Variants in RTL1 observed in about 807,000 individuals in gnomAD.
The protein encoded by RTL1 is retrotransposon Gag like 1, also known as retrotransposon-like protein 1.
For synonymous variants in RTL1, 727 were observed against 748.4 expected, an observed-to-expected ratio of 0.97 and a Z score of 0.47; for missense variants, 1,681 against 1,767.5, an observed-to-expected ratio of 0.95 and a Z score of 0.88.
At chr14:100,888,257 T>C (rs2038720722) in intron 3 of RTL1, among the ~76,000 whole-genome samples, 1 of 152,200 alleles carries the variant, frequency 6.6e-6, no homozygotes, top group African/African-American at 2.4e-5. Context: ...ATCTTTATCA[T>C]AGAGATCCTG....
At chr14:100,890,040 A>G (rs1452099152) in intron 3 of RTL1, among the ~76,000 whole-genome samples, 2 of 150,314 alleles carry the variant, frequency 1.3e-5, no homozygotes, top group African/African-American at 4.9e-5. Context: ...TTCTTTAAGA[A>G]ATATCTACTG....
intron 2 of RTL1, among the ~76,000 whole-genome samples, chr14:100,895,902 G>A (rs998119000): frequency 2.0e-5 from 3 of 152,038 alleles, no homozygotes; most frequent in East Asian, 3.9e-4. Flanking sequence ...GTGAAACCCC[G>A]TCTCTACAAA....
Position 100,881,674 on chromosome 14 carries a change from C to A in RTL1, c.3115G>T (p.Asp1039Tyr), listed in dbSNP as rs1205529944. 6.4e-7 allele frequency: 1 copy of A among 1,554,452 alleles called. No homozygotes were observed. The highest frequency in any genetic ancestry group is 2.4e-5 in the East Asian group (1 of 40,998). ...ESGEEENEEQ[D>Y]ELNEQILRQE... ...CGTAGGATCTGTTCATTGAGCTCAT[C>A]CTGTTCTTCATTCTCTTCTTCCCCG... is the stretch of plus-strand genomic sequence containing the variant. Residue 1039 changes from aspartate (D) to tyrosine (Y), a missense_variant, in exon 4 of 4, where the codon GAT becomes TAT. By Grantham distance (160) the Asp-to-Tyr change is radical. Coordinates refer to ENST00000649591, the MANE Select transcript of RTL1 (RefSeq NM_001134888.3). The surrounding 1 kb of genome is among the most constrained non-coding windows in gnomAD (Gnocchi z 6.6).
Position 100,884,380 on chromosome 14 carries a change from C to G in RTL1, c.409G>C (p.Ala137Pro). The part of the protein sequence containing the change: ...NPSGAREEQE[A>P]HTDLKESGRE... Reference sequence around the variant, plus strand: ...CCCGATTCCTTCAGGTCAGTGTGAGCCTCTTGTTCTTCTCGGGCTCCCGAT... The same window carrying G: ...CCCGATTCCTTCAGGTCAGTGTGAGGCTCTTGTTCTTCTCGGGCTCCCGAT... The change falls in exon 4 of 4, where the codon GCT becomes CCT. Residue 137 changes from alanine (A) to proline (P), a missense_variant. By Grantham distance (27) the Ala-to-Pro change is conservative. Coordinates refer to ENST00000649591, the MANE Select transcript of RTL1 (RefSeq NM_001134888.3). 2 of 1,579,724 alleles carry G rather than the reference C, an allele frequency of 1.3e-6. No individual in the cohort carries two copies. The highest frequency in any genetic ancestry group is 1.7e-6 in the Non-Finnish European group (2 of 1,161,036).
intron 2 of RTL1, among the ~76,000 whole-genome samples, chr14:100,900,735 C>T (rs1407452639): frequency 2.0e-5 from 3 of 152,228 alleles, no homozygotes; most frequent in Non-Finnish European, 4.4e-5. Context: ...GCACCACCAG[C>T]TATCCTGAAC....
rs2038803949 is a variant in RTL1, at chr14:100,893,055, T to G, written c.-87+389A>C. Reference sequence around the variant, plus strand: ...TGCCATTTGGGAAACTGTTGGGACCTTCAGAGCCAGAGATGCCATCTTCAT... The same window carrying G: ...TGCCATTTGGGAAACTGTTGGGACCGTCAGAGCCAGAGATGCCATCTTCAT... On this transcript the variant is annotated intron_variant, in intron 3 of 3. Transcript: ENST00000649591. This position sits in a 1 kb window ranked among gnomAD's most constrained non-coding sequence, Gnocchi z 4.2. Among the ~76,000 whole-genome samples the G allele has an allele frequency of 6.6e-6, 1 of 152,084 alleles. No individual in the cohort carries two copies. The highest frequency in any genetic ancestry group is 2.1e-4 in the South Asian group (1 of 4,816).
At chr14:100,902,837 T>C (rs548467178) in intron 2 of RTL1, among the ~76,000 whole-genome samples, 14 of 152,294 alleles carry the variant, frequency 9.2e-5, no homozygotes, top group Non-Finnish European at 1.8e-4. Context: ...ACTTCATAAA[T>C]GCTTGTGGAG....
intron 3 of RTL1, chr14:100,889,719 A>G (rs2038742601): frequency 6.6e-6 from 1 of 152,236 alleles, no homozygotes; most frequent in African/African-American, 2.4e-5. Flanking sequence ...CAGGAAGGAG[A>G]TGAGACTCAT....
At chr14:100,890,308 G>T (rs923917929) in intron 3 of RTL1, among the ~76,000 whole-genome samples, 1 of 151,792 alleles carries the variant, frequency 6.6e-6, no homozygotes, top group Admixed American at 6.6e-5. Context: ...GTTGGGTGTG[G>T]GGGGGGCCAT....
chr14:100,892,829 TC>T (rs1432927691), intron 3 of RTL1, among the ~76,000 whole-genome samples: 2 of 152,162 alleles, frequency 1.3e-5, no homozygotes, highest in Admixed American at 1.3e-4. Context: ...GAGTACCTGC[TC>T]TGTGTCAGGC....
In RTL1 at chr14:100,882,965, G is replaced by A. The variant is rs764643262; in HGVS notation, c.1824C>T (p.Tyr608=). The A allele has an allele frequency of 1.4e-5, 22 of 1,613,838 alleles. 1 individual carries two copies. The highest frequency in any genetic ancestry group is 1.7e-5 in the Admixed American group (1 of 59,976). ...AGDSDHSETF[Y]ECPSTAPWEP... is the part of the protein sequence containing the mutation. ...CCCAAGGCGCGGTGGAGGGACACTC[G>A]TAAAAGGTCTCGCTGTGATCACTGT... is the stretch of plus-strand genomic sequence containing the variant. Residue 608 remains tyrosine, a synonymous_variant, in exon 4 of 4, where the codon TAC becomes TAT. Transcript: ENST00000649591.
intron 2 of RTL1, among the ~76,000 whole-genome samples, chr14:100,902,907 A>G (rs2038962415): frequency 6.6e-6 from 1 of 152,110 alleles, no homozygotes; most frequent in South Asian, 2.1e-4. Context: ...AAGAGAGAAA[A>G]CAGCCTGGCC....
At chr14:100,886,818 CTT>C (rs1399400363) in intron 3 of RTL1, among the ~76,000 whole-genome samples, 1 of 152,158 alleles carries the variant, frequency 6.6e-6, no homozygotes, top group Non-Finnish European at 1.5e-5. Flanking sequence ...ACTTAAAACT[CTT>C]TATTGGTGAA....
chr14:100,902,826 C>G (rs2038960978), intron 2 of RTL1, among the ~76,000 whole-genome samples: 1 of 152,224 alleles, frequency 6.6e-6, no homozygotes, highest in Non-Finnish European at 1.5e-5. Context: ...ACACATCAGA[C>G]ACTTCATAAA....
In RTL1 at chr14:100,884,506, G is replaced by A; in HGVS notation, c.283C>T (p.Leu95=). The A allele has an allele frequency of 6.2e-7, 1 of 1,614,128 alleles. No homozygotes were observed. Among genetic ancestry groups the A allele is most frequent in the Non-Finnish European group, 8.5e-7 (1 of 1,179,966 alleles). The stretch of plus-strand genomic sequence containing the variant: ...CATGACTCCTCCAGGTCTTGGAGTA[G>A]GTCATTGGGTGGATCCTCTATTTCC... ...RKEIEDPPND[L]LQDLEESCNG... The change falls in exon 4 of 4, where the codon CTA becomes TTA. Residue 95 remains leucine, a synonymous_variant. Transcript: ENST00000649591.
In RTL1 at chr14:100,881,138, G is replaced by T. The variant is rs1566752181; in HGVS notation, c.3651C>A (p.Asn1217Lys). 1.9e-6 allele frequency: 3 copies of T among 1,559,232 alleles called. No individual in the cohort carries two copies. The highest frequency in any genetic ancestry group is 2.6e-6 in the Non-Finnish European group (3 of 1,150,766). Reference protein sequence around the residue: ...QEGHLPALRQNRYLELHVVGD... With the variant: ...QEGHLPALRQKRYLELHVVGD... ...CAACGACGTGCAGCTCCAGGTAGCG[G>T]TTCTGACGCAGGGCAGGGAGGTGGC... is the stretch of plus-strand genomic sequence containing the variant. Residue 1217 changes from asparagine (N) to lysine (K), a missense_variant, in exon 4 of 4, where the codon AAC becomes AAA. Coordinates refer to ENST00000649591, the MANE Select transcript of RTL1 (RefSeq NM_001134888.3). This position sits in a 1 kb window ranked among gnomAD's most constrained non-coding sequence, Gnocchi z 6.6.
At chr14:100,898,831 C>T (rs1402948594) in intron 2 of RTL1, 2 of 152,270 alleles carry the variant, frequency 1.3e-5, no homozygotes, top group Non-Finnish European at 2.9e-5. Context: ...CCACCGAAGC[C>T]CTGACCCTGG....
intron 2 of RTL1, among the ~76,000 whole-genome samples, chr14:100,896,890 G>A (rs1399127214): frequency 2.0e-5 from 3 of 152,158 alleles, no homozygotes; most frequent in Non-Finnish European, 2.9e-5. Flanking sequence ...TGTCCCCACC[G>A]CCTGGCCCCA....
In RTL1 at chr14:100,882,962, C is replaced by T. The variant is rs993621633; in HGVS notation, c.1827G>A (p.Glu609=). The change falls in exon 4 of 4, where the codon GAG becomes GAA. Residue 609 remains glutamate (E), a synonymous_variant. Coordinates refer to ENST00000649591, the MANE Select transcript of RTL1 (RefSeq NM_001134888.3). ...GTTCCCAAGGCGCGGTGGAGGGACA[C>T]TCGTAAAAGGTCTCGCTGTGATCAC... ...GDSDHSETFY[E]CPSTAPWEPV... 2 of 1,614,016 alleles carry T rather than the reference C, an allele frequency of 1.2e-6. No homozygotes were observed. Among genetic ancestry groups the T allele is most frequent in the Non-Finnish European group, 1.7e-6 (2 of 1,180,000 alleles).
Sources: allele counts gnomAD v4.1 joint callset (sites outside exome capture counted in the v4.1 genomes callset), GRCh38; gene constraint gnomAD v4.1.1; non-coding constraint Gnocchi (gnomAD v3.1); transcripts MANE v1.5; gene names NCBI Gene and HGNC (gene_info 2026-07-23, HGNC 2026-07-21).